SLC35F4: variants seen among roughly 807,000 people sequenced by gnomAD.
SLC35F4 encodes the protein solute carrier family 35 member F4.
A neutral mutation model predicts 44.2 loss-of-function variants in SLC35F4; 24 were observed. The ratio of observed to expected loss-of-function variants is 0.54; its 90% CI spans 0.39 to 0.76. The LOEUF (loss-of-function observed/expected upper bound fraction) is 0.76. Among genes scored for constraint, SLC35F4 ranks in the 30% least tolerant of loss-of-function variants. The pLI, the probability that SLC35F4 is intolerant of heterozygous loss-of-function variation, is 0.00. For synonymous variants in SLC35F4, 238 were observed against 223.6 expected, an observed-to-expected ratio of 1.06 and a Z score of -0.57; for missense variants, 562 against 586.1, an observed-to-expected ratio of 0.96 and a Z score of 0.42.
intron 1 of SLC35F4, among the ~76,000 whole-genome samples, chr14:57,719,931 T>C (rs1299462316): frequency 6.6e-6 from 1 of 152,160 alleles, no homozygotes; most frequent in East Asian, 1.9e-4. Flanking sequence ...TTCAGTACAA[T>C]AATAGCTGTG....
intron 1 of SLC35F4, among the ~76,000 whole-genome samples, chr14:57,833,181 T>C (rs1884558691): frequency 1.3e-5 from 2 of 152,194 alleles, no homozygotes; most frequent in South Asian, 2.1e-4. Context: ...TGTTATCATC[T>C]AATCGCAAGG....
At chr14:57,844,365 A>C (rs1271805515) in intron 1 of SLC35F4, among the ~76,000 whole-genome samples, 1 of 152,208 alleles carries the variant, frequency 6.6e-6, no homozygotes. Flanking sequence ...AGACTGTAAG[A>C]CCAATGGGGT....
At chr14:57,654,855 C>G (rs941463976) in intron 1 of SLC35F4, among the ~76,000 whole-genome samples, 1 of 152,168 alleles carries the variant, frequency 6.6e-6, no homozygotes, top group Admixed American at 6.5e-5. Flanking sequence ...GGACATAATT[C>G]AAACCATTAT....
At chr14:57,843,570 A>C (rs2140966915) in intron 1 of SLC35F4, among the ~76,000 whole-genome samples, 1 of 152,282 alleles carries the variant, frequency 6.6e-6, no homozygotes, top group South Asian at 2.1e-4. Flanking sequence ...AGGAACAAAA[A>C]GATAATCTCA....
At chr14:57,619,626 T>C (rs1012185508) in intron 1 of SLC35F4, among the ~76,000 whole-genome samples, 6 of 152,054 alleles carry the variant, frequency 3.9e-5, no homozygotes, top group African/African-American at 1.4e-4. Context: ...AAAACCAGAA[T>C]GCCTCTTCTC....
At chr14:57,750,137 G>A (rs1046395369) in intron 1 of SLC35F4, among the ~76,000 whole-genome samples, 2 of 151,748 alleles carry the variant, frequency 1.3e-5, no homozygotes, top group Non-Finnish European at 2.9e-5. Context: ...AAAACATGCG[G>A]TATTTGTCTT....
intron 1 of SLC35F4, among the ~76,000 whole-genome samples, chr14:57,903,999 A>G (rs1439785542): frequency 3.3e-5 from 5 of 152,262 alleles, no homozygotes; most frequent in Admixed American, 6.5e-5. Flanking sequence ...TGCAAAGAAA[A>G]GAAAAAAAGT....
intron 1 of SLC35F4, among the ~76,000 whole-genome samples, chr14:57,613,347 T>C (rs1275028866): frequency 1.3e-5 from 2 of 152,154 alleles, no homozygotes; most frequent in African/African-American, 4.8e-5. Context: ...AAATTTGTTA[T>C]TGATAAAGGA....
chr14:57,570,935 G>A (rs1480374301), intron 5 of SLC35F4, among the ~76,000 whole-genome samples: 1 of 152,046 alleles, frequency 6.6e-6, no homozygotes, highest in Non-Finnish European at 1.5e-5. Context: ...TCTCAGTTGG[G>A]GAGCAAGTTA....
At chr14:57,868,562 G>A (rs542199995), upstream of SLC35F4, among the ~76,000 whole-genome samples, 21 of 150,988 alleles carry the variant, frequency 1.4e-4, no homozygotes, top group South Asian at 3.3e-3. Flanking sequence ...TGCAACCTCC[G>A]CCTCCCGGGT....
Position 57,955,026 on chromosome 14 carries a change from C to T in SLC35F4, n.282+26887G>A, listed in dbSNP as rs1890211612. Among the ~76,000 whole-genome samples the T allele has an allele frequency of 2.0e-5, 3 of 149,880 alleles. No individual in the cohort carries two copies. The South Asian group carries it at 6.4e-4, about 32-fold the overall frequency. ...TCAGGCCAATATCCCTGATGAACAG[C>T]AACACGAAAATCCTCAGTAAAATAC... On this transcript the variant is annotated intron_variant and non_coding_transcript_variant, in intron 1 of 1. Coordinates refer to the SLC35F4 transcript ENST00000556568.
At chr14:57,697,794 T>G (rs1436982974) in intron 1 of SLC35F4, among the ~76,000 whole-genome samples, 1 of 152,228 alleles carries the variant, frequency 6.6e-6, no homozygotes, top group Non-Finnish European at 1.5e-5. Flanking sequence ...TTCCTTTTTA[T>G]TCTTTTCACT....
intron 1 of SLC35F4, among the ~76,000 whole-genome samples, chr14:57,743,041 C>T (rs1444532131): frequency 6.6e-6 from 1 of 152,078 alleles, no homozygotes; most frequent in Non-Finnish European, 1.5e-5. Context: ...AAAGACACAA[C>T]ATACCAGAAT....
intron 1 of SLC35F4, among the ~76,000 whole-genome samples, chr14:57,831,791 A>G (rs1017052962): frequency 1.3e-5 from 2 of 152,190 alleles, no homozygotes; most frequent in African/African-American, 4.8e-5. Context: ...TTATCTTTAT[A>G]TTATCCAGGC....
At chr14:57,696,372 A>G (rs960206064) in intron 1 of SLC35F4, among the ~76,000 whole-genome samples, 3 of 152,244 alleles carry the variant, frequency 2.0e-5, no homozygotes, top group Non-Finnish European at 4.4e-5. Context: ...ATGAGATACC[A>G]TCTCACACCA....
chr14:57,727,654 G>A (rs999439074), intron 1 of SLC35F4, among the ~76,000 whole-genome samples: 1 of 151,924 alleles, frequency 6.6e-6, no homozygotes, highest in African/African-American at 2.4e-5. Context: ...TTACCCACTG[G>A]TCATTCAGGA....
intron 1 of SLC35F4, among the ~76,000 whole-genome samples, chr14:57,606,758 G>A (rs562536137): frequency 6.6e-6 from 1 of 152,282 alleles, no homozygotes; most frequent in South Asian, 2.1e-4. Flanking sequence ...ACGCTCTCCT[G>A]GAATCTTCTC....
intron 1 of SLC35F4, among the ~76,000 whole-genome samples, chr14:57,942,602 A>T (rs992697260): frequency 7.2e-5 from 11 of 152,186 alleles, no homozygotes; most frequent in African/African-American, 2.7e-4. Context: ...ATTTCAATAC[A>T]AGTTTATCAA....
intron 1 of SLC35F4, among the ~76,000 whole-genome samples, chr14:57,851,291 T>C (rs990018818): frequency 1.3e-5 from 2 of 152,300 alleles, no homozygotes; most frequent in African/African-American, 2.4e-5. Context: ...AATTTAAAAA[T>C]AGATAAAACT....
Sources: allele counts gnomAD v4.1 joint callset (sites outside exome capture counted in the v4.1 genomes callset), GRCh38; gene constraint gnomAD v4.1.1; transcripts MANE v1.5; gene names NCBI Gene and HGNC (gene_info 2026-07-23, HGNC 2026-07-21).